ZNF385D: variants seen among roughly 807,000 people sequenced by gnomAD.
ZNF385D encodes zinc finger protein 659.
ZNF385D carries 15 observed loss-of-function variants against 35.8 expected under a neutral mutation model. The ratio of observed to expected loss-of-function variants is 0.42; its 90% CI spans 0.28 to 0.64. The LOEUF is 0.64. ZNF385D is among the 30% of genes least tolerant of loss of function. The pLI is 0.23. For missense variants in ZNF385D, 474 were observed against 494.6 expected, an observed-to-expected ratio of 0.96 and a Z score of 0.39; for synonymous variants, 212 against 186.8, an observed-to-expected ratio of 1.13 and a Z score of -1.10.
chr3:21,569,518 T>C lies in ZNF385D; in HGVS notation c.166-4834A>G, dbSNP rs1303492054. On this transcript the variant is annotated intron_variant, in intron 2 of 7. Coordinates refer to ENST00000281523, the MANE Select transcript of ZNF385D (RefSeq NM_024697.3). ...TGATGGGTCTTGACTCTTTATCCAA[T>C]TTGCCAGTCTGTGTCTTTTAATTGG... 1.4e-3 allele frequency among the ~76,000 whole-genome samples: 205 copies of C among 151,154 alleles called. 2 individuals carry two copies. In the South Asian group the frequency reaches 0.019, roughly 14 times the overall value.
chr3:21,862,120 G>T (rs993264073), intron 3 of ZNF385D, among the ~76,000 whole-genome samples: 3 of 152,186 alleles, frequency 2.0e-5, no homozygotes, highest in African/African-American at 7.2e-5. Context: ...AGGACAAACA[G>T]CCGAGTACCT....
At chr3:21,857,757 G>A (rs999944296) in intron 3 of ZNF385D, among the ~76,000 whole-genome samples, 13 of 151,744 alleles carry the variant, frequency 8.6e-5, no homozygotes, top group African/African-American at 2.2e-4. Context: ...CAAACACAAC[G>A]GGAAGCAGAG....
intron 3 of ZNF385D, among the ~76,000 whole-genome samples, chr3:21,960,136 G>T (rs2125316256): frequency 6.6e-6 from 1 of 150,504 alleles, no homozygotes; most frequent in Non-Finnish European, 1.5e-5. Context: ...GAAAATATTT[G>T]CATTCTATAC....
At chr3:21,806,484 C>G (rs1327103275) in intron 3 of ZNF385D, among the ~76,000 whole-genome samples, 2 of 151,990 alleles carry the variant, frequency 1.3e-5, no homozygotes, top group African/African-American at 2.4e-5. Context: ...GGATTACAGG[C>G]GTGAGCCACC....
chr3:21,861,134 C>T (rs1697030159), intron 3 of ZNF385D, among the ~76,000 whole-genome samples: 2 of 152,144 alleles, frequency 1.3e-5, no homozygotes, highest in Non-Finnish European at 1.5e-5. Context: ...GGTTGGCCAA[C>T]TCACTGGTCT....
At chr3:21,561,365 C>T (rs2062939737) in intron 3 of ZNF385D, among the ~76,000 whole-genome samples, 1 of 152,186 alleles carries the variant, frequency 6.6e-6, no homozygotes, top group Non-Finnish European at 1.5e-5. Flanking sequence ...TTCCTCATGG[C>T]ACAGTCCCTC....
intron 4 of ZNF385D, among the ~76,000 whole-genome samples, chr3:21,477,086 G>A (rs770238639): frequency 6.6e-6 from 1 of 152,012 alleles, no homozygotes; most frequent in Non-Finnish European, 1.5e-5. Context: ...AAGAGACTAC[G>A]CCACTCCAGT....
intron 2 of ZNF385D, among the ~76,000 whole-genome samples, chr3:21,613,021 A>G (rs1350890664): frequency 6.7e-6 from 1 of 150,040 alleles, no homozygotes; most frequent in East Asian, 2.0e-4. Context: ...AAACCAGGGT[A>G]CTAAAGAACA....
chr3:21,579,947 G>C (rs1418562909), intron 2 of ZNF385D: 4 of 151,774 alleles, frequency 2.6e-5, no homozygotes, highest in Non-Finnish European at 5.9e-5. Context: ...CTCTGTAAAG[G>C]CTCTGTTACC....
chr3:22,081,164 A>T (rs1226734076), intron 3 of ZNF385D, among the ~76,000 whole-genome samples: 6 of 152,214 alleles, frequency 3.9e-5, no homozygotes, highest in African/African-American at 1.4e-4. Context: ...ATAAATGTTC[A>T]ATCTATGATT....
intron 3 of ZNF385D, among the ~76,000 whole-genome samples, chr3:21,874,192 C>T (rs969133000): frequency 8.6e-5 from 13 of 151,866 alleles, no homozygotes; most frequent in African/African-American, 3.1e-4. Flanking sequence ...TAATGGCCAT[C>T]CTAACAAGTG....
intron 2 of ZNF385D, 50 bp downstream of exon 2, chr3:21,664,836 G>A (rs753986802): frequency 3.1e-6 from 5 of 1,612,014 alleles, no homozygotes; most frequent in South Asian, 1.1e-5. Context: ...CTTTAAGTTA[G>A]TTTTCCAATA....
chr3:21,924,094 G>GCT (rs1156364573), intron 3 of ZNF385D, among the ~76,000 whole-genome samples: 26 of 152,086 alleles, frequency 1.7e-4, no homozygotes, highest in Admixed American at 1.6e-3. Context: ...TAATAAAATA[G>GCT]CTCAATCAAC....
intron 2 of ZNF385D, among the ~76,000 whole-genome samples, chr3:22,289,531 C>G (rs1477197200): frequency 6.6e-6 from 1 of 152,176 alleles, no homozygotes; most frequent in African/African-American, 2.4e-5. Flanking sequence ...CCTCAACCAA[C>G]AGCTGAAAAA....
intron 3 of ZNF385D, among the ~76,000 whole-genome samples, chr3:22,037,846 A>G (rs1698434201): frequency 6.6e-6 from 1 of 152,136 alleles, no homozygotes; most frequent in African/African-American, 2.4e-5. Context: ...TTTTAGGTCT[A>G]ACAAAACAGC....
At chr3:21,859,667 A>G (rs906319088) in intron 3 of ZNF385D, among the ~76,000 whole-genome samples, 1 of 92,178 alleles carries the variant, frequency 1.1e-5, no homozygotes, top group Non-Finnish European at 2.3e-5. Context: ...CTGTGACTCC[A>G]AAGGCATTTT....
chr3:21,705,918 G>A (rs544499241), intron 1 of ZNF385D, among the ~76,000 whole-genome samples: 1 of 152,278 alleles, frequency 6.6e-6, no homozygotes, highest in South Asian at 2.1e-4. Flanking sequence ...GGTTGCCAAA[G>A]CCTCAGCCTG....
At chr3:21,631,339 C>T (rs1046983453) in intron 2 of ZNF385D, among the ~76,000 whole-genome samples, 66 of 152,096 alleles carry the variant, frequency 4.3e-4, no homozygotes, top group African/African-American at 1.5e-3. Flanking sequence ...ATTTCCAGAA[C>T]ACATGTCTGA....
At chr3:21,749,064 T>C (rs1234975900) in intron 1 of ZNF385D, among the ~76,000 whole-genome samples, 1 of 152,212 alleles carries the variant, frequency 6.6e-6, no homozygotes, top group East Asian at 1.9e-4. Context: ...ACATTTCTTA[T>C]ACCAAAATTA....
Sources: gnomAD v4.1 joint callset for allele counts (sites outside exome capture counted in the v4.1 genomes callset) on GRCh38, gnomAD v4.1.1 for gene constraint, MANE v1.5 for transcripts, NCBI Gene and HGNC (gene_info 2026-07-23, HGNC 2026-07-21) for gene names.